The following SMARCA2 variants were observed in gnomAD, a reference collection of about 807,000 sequenced individuals.
The protein encoded by SMARCA2 is SWI/SNF related BAF chromatin remodeling complex subunit ATPase 2.
A neutral mutation model predicts 199.8 loss-of-function variants in SMARCA2; 61 were observed. That is an observed-to-expected ratio of 0.31 (90% confidence interval 0.25 to 0.38). The LOEUF (loss-of-function observed/expected upper bound fraction) is 0.38. Among genes scored for constraint, SMARCA2 ranks in the 10% least tolerant of loss-of-function variants. The pLI is 1.00. For synonymous variants in SMARCA2, 935 were observed against 732.0 expected, an observed-to-expected ratio of 1.28 and a Z score of -4.48; for missense variants, 1,344 against 2,012.2, an observed-to-expected ratio of 0.67 and a Z score of 6.35.
At chr9:2,138,379 G>A (rs1824309646) in intron 27 of SMARCA2, among the ~76,000 whole-genome samples, 1 of 152,140 alleles carries the variant, frequency 6.6e-6, no homozygotes, top group Admixed American at 6.5e-5. Context: ...TTTCCTTGAG[G>A]CAAAACTTGA....
At chr9:2,108,819 C>G (rs1242310804) in intron 23 of SMARCA2, among the ~76,000 whole-genome samples, 1 of 152,204 alleles carries the variant, frequency 6.6e-6, no homozygotes, top group African/African-American at 2.4e-5. Flanking sequence ...GCTCACTCAT[C>G]AAAGCATGTT....
At chr9:2,142,981 T>A (rs1325553303) in intron 27 of SMARCA2, among the ~76,000 whole-genome samples, 3 of 152,186 alleles carry the variant, frequency 2.0e-5, no homozygotes, top group Admixed American at 1.3e-4. Flanking sequence ...TGATTTTTTT[T>A]AAGTTCTTAA....
chr9:2,103,193 C>A (rs1041213343), intron 22 of SMARCA2, among the ~76,000 whole-genome samples: 1 of 152,106 alleles, frequency 6.6e-6, no homozygotes, highest in African/African-American at 2.4e-5. Flanking sequence ...CTGTAAAGAT[C>A]CAGATTGTAA....
At chr9:2,096,549 AAGAG>A in intron 19 of SMARCA2, 104 bp from the exon 20 acceptor site, 1 of 716,920 alleles carries the variant, frequency 1.4e-6, no homozygotes, top group Non-Finnish European at 2.5e-6. Context: ...AAGAAAGAGA[AAGAG>A]AGACACCTTT....
At chr9:2,142,427 C>T (rs1824507855) in intron 27 of SMARCA2, among the ~76,000 whole-genome samples, 1 of 152,034 alleles carries the variant, frequency 6.6e-6, no homozygotes, top group African/African-American at 2.4e-5. Context: ...CTTAAACTGG[C>T]CTGTTTGGGG....
intron 19 of SMARCA2, among the ~76,000 whole-genome samples, chr9:2,089,912 A>G (rs1821978801): frequency 6.6e-6 from 1 of 151,924 alleles, no homozygotes; most frequent in Non-Finnish European, 1.5e-5. Flanking sequence ...TTTTTTCTTT[A>G]CAAGAGGTAT....
At chr9:2,018,158 G>A (rs1009185539) in intron 1 of SMARCA2, 2 of 152,260 alleles carry the variant, frequency 1.3e-5, no homozygotes, top group African/African-American at 2.4e-5. Context: ...ACTAGCTCTT[G>A]CTAGGCGTTT....
intron 3 of SMARCA2, among the ~76,000 whole-genome samples, chr9:2,035,901 T>G (rs1819309561): frequency 6.6e-6 from 1 of 152,144 alleles, no homozygotes; most frequent in African/African-American, 2.4e-5. Context: ...CTAAAAAGAA[T>G]TTAGACTTGG....
intron 12 of SMARCA2, among the ~76,000 whole-genome samples, chr9:2,074,652 A>T (rs1821243932): frequency 6.6e-6 from 1 of 152,228 alleles, no homozygotes; most frequent in Non-Finnish European, 1.5e-5. Context: ...GAATTGCTTG[A>T]GTCCAGGAGT....
intron 4 of SMARCA2, chr9:2,045,996 G>A (rs1819827174): frequency 6.6e-6 from 1 of 152,188 alleles, no homozygotes; most frequent in Non-Finnish European, 1.5e-5. Context: ...GTTGGAAATT[G>A]AATAAATGTG....
chr9:2,186,652 A>C (rs1412698913), intron 32 of SMARCA2, among the ~76,000 whole-genome samples: 5 of 151,964 alleles, frequency 3.3e-5, no homozygotes, highest in East Asian at 3.9e-4. Context: ...CAGCCTCCCG[A>C]GTAGCTGGAA....
chr9:2,086,381 C>A lies in SMARCA2; in HGVS notation c.2527-448C>A, dbSNP rs1422414255. Among the ~76,000 whole-genome samples the A allele has an allele frequency of 6.6e-6, 1 of 152,176 alleles. No homozygotes were observed. Among genetic ancestry groups the A allele is most frequent in the Non-Finnish European group, 1.5e-5 (1 of 68,036 alleles). ...ATCTCAGCTGTAGAACCTGCTAGGG[C>A]CATCTTGGAAAAATCAGTCATTAAC... On this transcript the variant is annotated intron_variant, in intron 17 of 33. Coordinates refer to ENST00000349721, the MANE Select transcript of SMARCA2 (RefSeq NM_003070.5). This position sits in a 1 kb window ranked among gnomAD's most constrained non-coding sequence, Gnocchi z 4.3.
At chr9:2,089,305 T>A (rs914989242) in intron 19 of SMARCA2, among the ~76,000 whole-genome samples, 3 of 152,234 alleles carry the variant, frequency 2.0e-5, no homozygotes, top group Non-Finnish European at 2.9e-5. Context: ...GATCATATTT[T>A]GGAACCATGC....
At chr9:2,191,490 C>A in intron 33 of SMARCA2, 82 bp downstream of exon 33, 2 of 1,476,524 alleles carry the variant, frequency 1.4e-6, no homozygotes, top group Non-Finnish European at 1.9e-6. Flanking sequence ...GCCCCTTCAG[C>A]CTTTTCGCTT....
At chr9:2,174,332 T>C (rs2129773322) in intron 29 of SMARCA2, among the ~76,000 whole-genome samples, 1 of 152,346 alleles carries the variant, frequency 6.6e-6, no homozygotes, top group South Asian at 2.1e-4. Flanking sequence ...GGGATTGCTC[T>C]GAGAGATCGC....
In SMARCA2 at chr9:2,032,355, T is replaced by C. The variant is rs1249930162; in HGVS notation, c.226-597T>C. 2.0e-5 allele frequency among the ~76,000 whole-genome samples: 3 copies of C among 152,378 alleles called. No individual in the cohort carries two copies. The East Asian group carries it at 5.8e-4, about 29-fold the overall frequency. On this transcript the variant is annotated intron_variant, in intron 2 of 33. Coordinates refer to ENST00000349721, the MANE Select transcript of SMARCA2 (RefSeq NM_003070.5). Reference sequence around the variant, plus strand: ...CCCCTGTGTTCGTTTATTTCCAAACTGTGCCTTTAACCTTTTCCGTTCCTC... The same window carrying C: ...CCCCTGTGTTCGTTTATTTCCAAACCGTGCCTTTAACCTTTTCCGTTCCTC...
intron 27 of SMARCA2, among the ~76,000 whole-genome samples, chr9:2,126,114 G>A (rs1228406093): frequency 6.6e-6 from 1 of 152,158 alleles, no homozygotes; most frequent in African/African-American, 2.4e-5. Flanking sequence ...TGTTAGGAGA[G>A]CATTTCTCTT....
In SMARCA2 at chr9:2,039,427, CA is replaced by C. The variant is rs1819479806; in HGVS notation, c.356-38del. ...AGGGATATCTCTCTTTCAGGGTTGTCAGGGGCAGCCTGTGATTTCCTTTTGT... is the reference window on the plus strand; with the variant it reads ...AGGGATATCTCTCTTTCAGGGTTGTCGGGGCAGCCTGTGATTTCCTTTTGT... On this transcript the variant is annotated intron_variant, in intron 3 of 33. Transcript: ENST00000349721. This position sits in a 1 kb window ranked among gnomAD's most constrained non-coding sequence, Gnocchi z 4.8. 6.3e-7 allele frequency: 1 copy of C among 1,589,272 alleles called. No individual in the cohort carries two copies. Among genetic ancestry groups the C allele is most frequent in the African/African-American group, 1.3e-5 (1 of 74,264 alleles).
chr9:2,192,726 C>G lies in SMARCA2; in HGVS notation c.4760C>G (p.Thr1587Arg). 6.2e-7 allele frequency: 1 copy of G among 1,608,900 alleles called. No individual in the cohort carries two copies. The highest frequency in any genetic ancestry group is 8.5e-7 in the Non-Finnish European group (1 of 1,175,256). The change falls in exon 34 of 34, where the codon ACG becomes AGG. Residue 1587 changes from threonine to arginine, a missense_variant. Physicochemically the swap from Thr to Arg is moderately conservative, Grantham distance 71. Transcript: ENST00000349721. ...TAGGAACAGTCAGAAGGAAGTGGGA[C>G]GGATGATGAGTGATCAGTATGGACC... ...DEREQSEGSGTDDE is the reference protein window; with the variant it reads ...DEREQSEGSGRDDE
Sources: allele counts gnomAD v4.1 joint callset (sites outside exome capture counted in the v4.1 genomes callset), GRCh38; gene constraint gnomAD v4.1.1; non-coding constraint Gnocchi (gnomAD v3.1); transcripts MANE v1.5; gene names NCBI Gene and HGNC (gene_info 2026-07-23, HGNC 2026-07-21).